Variants in PDE4D observed in about 807,000 individuals in gnomAD.
The protein encoded by PDE4D is phosphodiesterase 4D.
Under a neutral mutation model 87.4 loss-of-function variants are expected in PDE4D, and 24 were observed. That is an observed-to-expected ratio of 0.27 (90% confidence interval 0.20 to 0.39). The LOEUF is 0.39. Ranked by LOEUF, PDE4D falls within the 10% of genes least tolerant of loss-of-function variation. The pLI is 1.00. For missense variants in PDE4D, 714 were observed against 1,041.0 expected (o/e 0.69, Z 4.32); for synonymous variants, 384 against 383.2 (o/e 1.00, Z -0.02).
intron 1 of PDE4D, among the ~76,000 whole-genome samples, chr5:59,235,463 C>A (rs181840256): frequency 6.6e-6 from 1 of 152,184 alleles, no homozygotes; most frequent in African/African-American, 2.4e-5. Flanking sequence ...GAAGAAAAAT[C>A]TGAGGCTCAG....
intron 5 of PDE4D, 168 bp from the exon 6 acceptor site, chr5:59,039,139 A>T: frequency 1.5e-6 from 2 of 1,358,770 alleles, no homozygotes; most frequent in Non-Finnish European, 1.9e-6. Flanking sequence ...ACGGGGGCGG[A>T]GGCTGTGCTC....
At chr5:59,184,934 G>A (rs374719889) in intron 4 of PDE4D, among the ~76,000 whole-genome samples, 7 of 152,118 alleles carry the variant, frequency 4.6e-5, no homozygotes, top group African/African-American at 1.7e-4. Flanking sequence ...ATAACTGGGC[G>A]GAGGACTGAT....
rs530533860 is a variant in PDE4D at position 59,299,345 on chromosome 5, C to T, written c.456-83377G>A. Among the ~76,000 whole-genome samples the T allele has an allele frequency of 4.6e-4, 70 of 152,218 alleles. 1 individual carries two copies. The South Asian group carries it at 0.014, about 31-fold the overall frequency. Reference sequence around the variant, plus strand: ...TCTGTTCCACACTGTCTTCCAGAACCCAACAATGGGGACTGAGCTCCTGTT... The same window carrying T: ...TCTGTTCCACACTGTCTTCCAGAACTCAACAATGGGGACTGAGCTCCTGTT... On this transcript the variant is annotated intron_variant, in intron 1 of 14. Transcript: ENST00000340635.
chr5:59,361,580 T>G (rs1782234253), intron 1 of PDE4D, among the ~76,000 whole-genome samples: 1 of 152,150 alleles, frequency 6.6e-6, no homozygotes. Flanking sequence ...CCTCCGGAAG[T>G]CTTCCCTGCC....
chr5:60,045,138 T>C (rs1769050606), intron 2 of PDE4D, among the ~76,000 whole-genome samples: 1 of 152,120 alleles, frequency 6.6e-6, no homozygotes, highest in Non-Finnish European at 1.5e-5. Context: ...TTTTTTCATG[T>C]GTTTTTTGGC....
intron 2 of PDE4D, among the ~76,000 whole-genome samples, chr5:60,130,686 C>T (rs955396373): frequency 2.0e-5 from 3 of 152,122 alleles, no homozygotes; most frequent in Non-Finnish European, 4.4e-5. Flanking sequence ...GACCAGCTTA[C>T]TTGTCTTGGG....
At chr5:59,498,062 A>G (rs1443298051) in intron 1 of PDE4D, among the ~76,000 whole-genome samples, 2 of 152,098 alleles carry the variant, frequency 1.3e-5, no homozygotes, top group Non-Finnish European at 2.9e-5. Context: ...ATAATTTCAT[A>G]TCCCACCAAC....
intron 2 of PDE4D, among the ~76,000 whole-genome samples, chr5:60,007,594 T>C (rs976548055): frequency 3.9e-5 from 6 of 152,066 alleles, no homozygotes; most frequent in African/African-American, 1.4e-4. Flanking sequence ...TTAACTTTAC[T>C]ATGCTTAATA....
chr5:59,707,116 A>G (rs966982387), intron 1 of PDE4D, among the ~76,000 whole-genome samples: 6 of 152,204 alleles, frequency 3.9e-5, no homozygotes, highest in Non-Finnish European at 7.4e-5. Context: ...AGTTAGTAAC[A>G]TTATTTTAAA....
chr5:60,103,347 A>G (rs1308247983), intron 2 of PDE4D, among the ~76,000 whole-genome samples: 1 of 152,174 alleles, frequency 6.6e-6, no homozygotes, highest in Non-Finnish European at 1.5e-5. Context: ...AATCACAACC[A>G]TCACTTAGGC....
chr5:60,170,985 T>C (rs1223274766), intron 2 of PDE4D, among the ~76,000 whole-genome samples: 1 of 152,074 alleles, frequency 6.6e-6, no homozygotes, highest in Non-Finnish European at 1.5e-5. Context: ...AATATGTATC[T>C]GGCAGCACAG....
intron 12 of PDE4D, 73 bp from the exon 13 acceptor site, chr5:58,976,545 A>G: frequency 8.5e-7 from 1 of 1,182,324 alleles, no homozygotes; most frequent in Non-Finnish European, 1.2e-6. Context: ...GCAGAATATA[A>G]GAATGAAAAA....
intron 3 of PDE4D, chr5:59,987,882 C>T (rs527910406): frequency 6.6e-6 from 1 of 152,198 alleles, no homozygotes; most frequent in African/African-American, 2.4e-5. Context: ...TTATACCCTG[C>T]AAAGTAGGAA....
chr5:59,996,918 A>C (rs1561959968), intron 2 of PDE4D, among the ~76,000 whole-genome samples: 1 of 152,172 alleles, frequency 6.6e-6, no homozygotes, highest in Admixed American at 6.5e-5. Flanking sequence ...CTGTGATTTC[A>C]TACTGATTAG....
intron 6 of PDE4D, among the ~76,000 whole-genome samples, chr5:59,018,595 C>A (rs1257355534): frequency 6.6e-6 from 1 of 152,134 alleles, no homozygotes; most frequent in Non-Finnish European, 1.5e-5. Flanking sequence ...TGCGCTATCA[C>A]CTTCCCCTAA....
chr5:60,282,801 A>G (rs1344773440), intron 1 of PDE4D, among the ~76,000 whole-genome samples: 1 of 152,188 alleles, frequency 6.6e-6, no homozygotes, highest in African/African-American at 2.4e-5. Context: ...TGGAAGCATG[A>G]TATTTAGTGT....
intron 1 of PDE4D, among the ~76,000 whole-genome samples, chr5:59,527,802 T>C (rs1813424076): frequency 6.6e-6 from 1 of 152,232 alleles, no homozygotes; most frequent in Non-Finnish European, 1.5e-5. Context: ...AAATGCAAGA[T>C]ATTTGGCTAA....
chr5:59,039,041 G>A, intron 5 of PDE4D, 70 bp from the exon 6 acceptor site: 1 of 1,529,680 alleles, frequency 6.5e-7, no homozygotes. Flanking sequence ...AGTTCAAAGG[G>A]GGCCATCCTG....
intron 1 of PDE4D, among the ~76,000 whole-genome samples, chr5:59,456,631 G>A (rs1323740028): frequency 6.6e-6 from 1 of 152,118 alleles, no homozygotes. Context: ...ATTTGGGAAG[G>A]CTACTTTCTA....
Sources: gnomAD v4.1 joint callset for allele counts (sites outside exome capture counted in the v4.1 genomes callset) on GRCh38, gnomAD v4.1.1 for gene constraint, MANE v1.5 for transcripts, NCBI Gene and HGNC (gene_info 2026-07-23, HGNC 2026-07-21) for gene names.